Variants in AP2B1 observed in about 807,000 individuals in gnomAD.
AP2B1 encodes the protein adaptor related protein complex 2 subunit beta 1.
A neutral mutation model predicts 102.0 loss-of-function variants in AP2B1; 23 were observed. The observed-to-expected ratio is 0.23, with a 90% CI of 0.16 to 0.32. AP2B1 has a LOEUF of 0.32. AP2B1 is among the 10% of genes least tolerant of loss of function. The pLI, the probability that AP2B1 is intolerant of heterozygous loss-of-function variation, is 1.00. For synonymous variants in AP2B1, 381 were observed against 421.2 expected, an observed-to-expected ratio of 0.90 and a Z score of 1.17; for missense variants, 541 against 1,157.4, an observed-to-expected ratio of 0.47 and a Z score of 7.73.
intron 21 of AP2B1, among the ~76,000 whole-genome samples, chr17:35,720,574 T>TATATATATATATATATA (rs57480143): frequency 4.4e-4 from 11 of 24,750 alleles, no homozygotes; most frequent in South Asian, 2.2e-3. Context: ...TATATATATA[T>TATATATATATATATATA]TTTTTTTTTT....
At chr17:35,652,352 A>G (rs2075109319) in intron 13 of AP2B1, among the ~76,000 whole-genome samples, 1 of 152,210 alleles carries the variant, frequency 6.6e-6, no homozygotes, top group Admixed American at 6.5e-5. Flanking sequence ...TGTGAGGTTA[A>G]TAAGTGATAC....
chr17:35,595,130 G>A (rs225303), intron 2 of AP2B1, among the ~76,000 whole-genome samples: 128,537 of 152,212 alleles, frequency 0.84, 54,443 homozygotes, highest in East Asian at 0.97. Context: ...GTAGCTTTCA[G>A]TCTTGGCAAC....
chr17:35,651,350 A>G (rs2075081235), intron 13 of AP2B1, among the ~76,000 whole-genome samples: 1 of 152,088 alleles, frequency 6.6e-6, no homozygotes, highest in Admixed American at 6.6e-5. Flanking sequence ...TATATTGGCC[A>G]TATCAGCAAG....
chr17:35,637,690 A>AT (rs11398346), intron 10 of AP2B1, among the ~76,000 whole-genome samples: 72,304 of 145,500 alleles, frequency 0.5, 17,676 homozygotes, highest in East Asian at 0.53. Context: ...CGGTTTCTAA[A>AT]TTTTTTTTTT....
At chr17:35,715,737 T>C (rs138824401) in intron 20 of AP2B1, among the ~76,000 whole-genome samples, 1 of 152,340 alleles carries the variant, frequency 6.6e-6, no homozygotes, top group East Asian at 1.9e-4. Context: ...CAATATTGCA[T>C]AGATGTACCC....
chr17:35,599,363 T>A (rs1411897569), intron 3 of AP2B1, among the ~76,000 whole-genome samples: 3 of 152,220 alleles, frequency 2.0e-5, no homozygotes. Flanking sequence ...AAATTGACAA[T>A]GGATACGTTT....
chr17:35,611,209 C>T (rs1357626577), intron 5 of AP2B1, among the ~76,000 whole-genome samples: 1 of 152,118 alleles, frequency 6.6e-6, no homozygotes, highest in Non-Finnish European at 1.5e-5. Flanking sequence ...AATTCTCTAC[C>T]TGAGGACAGA....
intron 14 of AP2B1, among the ~76,000 whole-genome samples, chr17:35,669,986 C>G (rs2075552522): frequency 6.6e-6 from 1 of 152,186 alleles, no homozygotes; most frequent in African/African-American, 2.4e-5. Flanking sequence ...TATATGCCAC[C>G]TATTTTCAGC....
At chr17:35,675,726 G>A (rs2075686569) in intron 17 of AP2B1, among the ~76,000 whole-genome samples, 1 of 144,590 alleles carries the variant, frequency 6.9e-6, no homozygotes, top group South Asian at 2.2e-4. Flanking sequence ...AACCTCTTTT[G>A]TTCTGTTCCA....
chr17:35,603,992 C>A (rs1004722786), intron 3 of AP2B1, among the ~76,000 whole-genome samples: 1 of 152,172 alleles, frequency 6.6e-6, no homozygotes, highest in Non-Finnish European at 1.5e-5. Flanking sequence ...ATATAGATTT[C>A]ATTAAGTTGG....
chr17:35,611,223 G>A (rs1053421948), intron 5 of AP2B1, among the ~76,000 whole-genome samples: 61 of 152,280 alleles, frequency 4.0e-4, no homozygotes, highest in African/African-American at 1.3e-3. Flanking sequence ...GGACAGATGA[G>A]ATGAAAAGTG....
intron 4 of AP2B1, chr17:35,607,890 A>G: frequency 2.2e-6 from 1 of 450,068 alleles, no homozygotes; most frequent in Non-Finnish European, 4.0e-6. Context: ...TCTGCCTGGC[A>G]CTAGAGTGAA....
chr17:35,712,489 G>A (rs1043449029), intron 20 of AP2B1, among the ~76,000 whole-genome samples: 17 of 152,168 alleles, frequency 1.1e-4, no homozygotes, highest in South Asian at 8.3e-4. Flanking sequence ...TTAGCCAGGC[G>A]TGGTGGCGGG....
chr17:35,660,789 T>C (rs1452104228), intron 14 of AP2B1, among the ~76,000 whole-genome samples: 1 of 152,218 alleles, frequency 6.6e-6, no homozygotes, highest in East Asian at 1.9e-4. Flanking sequence ...TGGCCCTTTT[T>C]CTCTTGACTT....
intron 1 of AP2B1, among the ~76,000 whole-genome samples, chr17:35,589,924 C>CTTTTTTTT: frequency 8.4e-6 from 1 of 119,458 alleles, no homozygotes; most frequent in Non-Finnish European, 1.7e-5. Context: ...TCTGTAACTT[C>CTTTTTTTT]TTTTTTTTTT....
intron 13 of AP2B1, among the ~76,000 whole-genome samples, chr17:35,651,370 A>G (rs1349734413): frequency 6.6e-6 from 1 of 152,140 alleles, no homozygotes; most frequent in South Asian, 2.1e-4. Flanking sequence ...GGAAATTGTT[A>G]TGAAAAGGCT....
chr17:35,690,009 T>G (rs1302430678), intron 18 of AP2B1, among the ~76,000 whole-genome samples: 3 of 152,248 alleles, frequency 2.0e-5, no homozygotes, highest in African/African-American at 7.2e-5. Context: ...AAATGTTTTG[T>G]CATTCTTCAG....
intron 14 of AP2B1, among the ~76,000 whole-genome samples, chr17:35,661,534 A>G (rs1235979627): frequency 6.6e-6 from 1 of 151,988 alleles, no homozygotes; most frequent in Non-Finnish European, 1.5e-5. Flanking sequence ...CCCCCTGAAT[A>G]TTTTTCTGTT....
At chr17:35,618,812 C>T (rs370356035) in intron 5 of AP2B1, among the ~76,000 whole-genome samples, 23 of 152,272 alleles carry the variant, frequency 1.5e-4, no homozygotes, top group African/African-American at 5.3e-4. Context: ...TCCTCAACTG[C>T]TGCATATAAG....
Sources: allele counts gnomAD v4.1 joint callset (sites outside exome capture counted in the v4.1 genomes callset), GRCh38; gene constraint gnomAD v4.1.1; transcripts MANE v1.5; gene names NCBI Gene and HGNC (gene_info 2026-07-23, HGNC 2026-07-21).